EMC1: variants seen among roughly 807,000 people sequenced by gnomAD.
The protein encoded by EMC1 is ER membrane protein complex subunit 1.
Under a neutral mutation model 128.8 loss-of-function variants are expected in EMC1, and 103 were observed. That is an observed-to-expected ratio of 0.80 (90% CI 0.68 to 0.94). EMC1 has a LOEUF of 0.94. EMC1 is among the 40% of genes least tolerant of loss of function. The pLI is 0.00. For synonymous variants in EMC1, 442 were observed against 490.4 expected, an observed-to-expected ratio of 0.90 and a Z score of 1.30; for missense variants, 1,083 against 1,250.6, an observed-to-expected ratio of 0.87 and a Z score of 2.02.
At chr1:19,239,420 TGGAG>T in intron 8 of EMC1, 118 bp from the exon 9 acceptor site, 2 of 802,966 alleles carry the variant, frequency 2.5e-6, no homozygotes, top group Non-Finnish European at 4.1e-6. Flanking sequence ...CTCCCCACTT[TGGAG>T]CAGAATGGTC....
intron 8 of EMC1, chr1:19,239,583 T>C: frequency 1.7e-6 from 1 of 586,284 alleles, no homozygotes; most frequent in South Asian, 2.2e-5. Context: ...GTCCCCATAT[T>C]TCCTTTGGAC....
At chr1:19,220,032 C>A in intron 21 of EMC1, 1 of 276,140 alleles carries the variant, frequency 3.6e-6, no homozygotes, top group Non-Finnish European at 7.0e-6. Context: ...AATTCCTGCT[C>A]TCCACTCCAG....
chr1:19,231,314 C>G lies in EMC1; in HGVS notation c.1891G>C (p.Val631Leu), dbSNP rs2093519912. The G allele has an allele frequency of 6.2e-7, 1 of 1,611,078 alleles. No homozygotes were observed. Among genetic ancestry groups the G allele is most frequent in the Non-Finnish European group, 8.5e-7 (1 of 1,179,328 alleles). ...RPILQSLLLP[V>L]MDQDYAKVLL... is the part of the protein sequence containing the mutation. Reference sequence around the variant, plus strand: ...ACCTTGGCGTAGTCTTGATCCATGACTGGGAGAAGCAAGGACTGCAAGATG... The same window carrying G: ...ACCTTGGCGTAGTCTTGATCCATGAGTGGGAGAAGCAAGGACTGCAAGATG... Residue 631 changes from valine (V) to leucine (L), a missense_variant, in exon 16 of 23, where the codon GTC (valine) becomes CTC (leucine). Transcript: ENST00000477853.
chr1:19,223,645 C>A (rs2093449211), intron 18 of EMC1, 76 bp from the exon 19 acceptor site: 1 of 1,371,754 alleles, frequency 7.3e-7, no homozygotes, highest in Non-Finnish European at 1.0e-6. Flanking sequence ...GTGAGACCAA[C>A]CTGGAGCTCT....
Position 19,219,218 on chromosome 1 carries a change from C to A in EMC1, c.*85G>T. Reference sequence around the variant, plus strand: ...CTGAGCACTGACACACACACATACTCCACCAATCCACCAAACTGCAGCTGT... The same window carrying A: ...CTGAGCACTGACACACACACATACTACACCAATCCACCAAACTGCAGCTGT... On this transcript the variant is annotated 3_prime_UTR_variant, in exon 23 of 23. Coordinates refer to ENST00000477853, the MANE Select transcript of EMC1 (RefSeq NM_015047.3). The A allele has an allele frequency of 7.3e-7, 1 of 1,366,648 alleles. No homozygotes were observed. The highest frequency in any genetic ancestry group is 1.0e-6 in the Non-Finnish European group (1 of 968,384). 84.7% of individuals were successfully genotyped at this position (1,366,648 alleles called of 1,614,324 possible).
rs914780873 is a variant in EMC1 at position 19,217,684 on chromosome 1, G to C, written c.*1619C>G. ...GCTAACCTTGCACATATGTATGTAAGACAGTCAGAATTCCAGCCAGGCTTT... is the reference window on the plus strand; with the variant it reads ...GCTAACCTTGCACATATGTATGTAACACAGTCAGAATTCCAGCCAGGCTTT... On this transcript the variant is annotated 3_prime_UTR_variant, in exon 23 of 23. Transcript: ENST00000477853. 6.6e-6 allele frequency: 1 copy of C among 152,194 alleles called. No individual in the cohort carries two copies. The highest frequency in any genetic ancestry group is 2.4e-5 in the African/African-American group (1 of 41,438). 9.4% of individuals were successfully genotyped at this position (152,194 alleles called of 1,614,324 possible). A position where few individuals can be genotyped will look rare whatever the true frequency, so the allele number is the denominator to read the frequency against.
intron 1 of EMC1, among the ~76,000 whole-genome samples, chr1:19,247,734 G>A (rs1032015255): frequency 2.8e-4 from 42 of 152,276 alleles, no homozygotes; most frequent in African/African-American, 9.6e-4. Context: ...TGCTTCAAGA[G>A]GTATTCCAAG....
At chr1:19,251,226 G>A (rs902550406) in intron 1 of EMC1, among the ~76,000 whole-genome samples, 189 bp downstream of exon 1, 2 of 152,178 alleles carry the variant, frequency 1.3e-5, no homozygotes, top group African/African-American at 4.8e-5. Flanking sequence ...CTAACACTTG[G>A]TTTAAGGCTC....
Position 19,235,114 on chromosome 1 carries a change from CCT to C in EMC1, c.1432+14_1432+15del. The C allele has an allele frequency of 6.2e-7, 1 of 1,612,174 alleles. No homozygotes were observed. The highest frequency in any genetic ancestry group is 8.5e-7 in the Non-Finnish European group (1 of 1,179,032). On this transcript the variant is annotated intron_variant, in intron 13 of 22. Coordinates refer to ENST00000477853, the MANE Select transcript of EMC1 (RefSeq NM_015047.3). ...CCCTCCAGCAACTCTGCAGCTCCAA[CCT>C]CTTAGGTTCATACCTGCCTTTTTGC...
chr1:19,240,042 C>T lies in EMC1; in HGVS notation c.787-57G>A. ...AACAGCTGACGACTCCCTGACCCAT[C>T]CCAGGCTCACAACCTCTGCCCTACT... On this transcript the variant is annotated intron_variant, in intron 7 of 22. Transcript: ENST00000477853. 4 of 1,525,714 alleles carry T rather than the reference C, an allele frequency of 2.6e-6. No individual in the cohort carries two copies. The Admixed American group carries it at 7.8e-5, about 30-fold the overall frequency. 94.5% of individuals were successfully genotyped at this position (1,525,714 alleles called of 1,614,324 possible). A position where few individuals can be genotyped will look rare whatever the true frequency, so the allele number is the denominator to read the frequency against.
rs886927099 is a variant in EMC1 at position 19,223,939 on chromosome 1, A to G, written c.2203-370T>C. On this transcript the variant is annotated intron_variant, in intron 18 of 22. Coordinates refer to ENST00000477853, the MANE Select transcript of EMC1 (RefSeq NM_015047.3). ...TGACCTAGGGACAAATGCTGCAGTG[A>G]TATTTTTCTTCTGAGGGTCACCACC... is the stretch of plus-strand genomic sequence containing the variant. Among the ~76,000 whole-genome samples, 5 of 152,278 alleles carry G rather than the reference A, an allele frequency of 3.3e-5. 1 individual carries two copies. In the South Asian group the frequency reaches 1.0e-3, roughly 32 times the overall value.
chr1:19,219,677 A>G lies in EMC1; in HGVS notation c.2694T>C (p.Tyr898=). 6.2e-7 allele frequency: 1 copy of G among 1,614,148 alleles called. No homozygotes were observed. Among genetic ancestry groups the G allele is most frequent in the Non-Finnish European group, 8.5e-7 (1 of 1,180,030 alleles). Residue 898 remains tyrosine, a synonymous_variant, in exon 22 of 23, where the codon TAT becomes TAC. Coordinates refer to ENST00000477853, the MANE Select transcript of EMC1 (RefSeq NM_015047.3). The part of the protein sequence containing the change: ...EQSREENLIP[Y]SPDVQIHAER... ...CTGCGTGTATCTGTACATCTGGAGA[A>G]TACGGGATTAAGTTCTCCTCTCTGC...
At chr1:19,240,276 G>A in intron 7 of EMC1, 21 bp downstream of exon 7, 1 of 1,614,102 alleles carries the variant, frequency 6.2e-7, no homozygotes, top group Non-Finnish European at 8.5e-7. Context: ...CAGGCCAGAA[G>A]AAGCAGTGGC....
chr1:19,235,499 G>A (rs1429549150), intron 12 of EMC1, among the ~76,000 whole-genome samples: 4 of 152,112 alleles, frequency 2.6e-5, no homozygotes, highest in African/African-American at 7.2e-5. Flanking sequence ...TCAGGAGATC[G>A]AGACCATCCT....
Position 19,244,320 on chromosome 1 carries a change from T to G in EMC1, c.221-305A>C, listed in dbSNP as rs572578905. On this transcript the variant is annotated intron_variant, in intron 2 of 22. Transcript: ENST00000477853. ...ATAGTGATCATAAATTCTATTTCCC[T>G]TATTTTAGTGCCTAAAAACATCCGG... is the stretch of plus-strand genomic sequence containing the variant. 2.6e-5 allele frequency among the ~76,000 whole-genome samples: 4 copies of G among 152,332 alleles called. No homozygotes were observed. In the South Asian group the frequency reaches 8.3e-4, roughly 32 times the overall value.
At chr1:19,248,429 G>C (rs1473158873) in intron 1 of EMC1, among the ~76,000 whole-genome samples, 1 of 151,820 alleles carries the variant, frequency 6.6e-6, no homozygotes, top group East Asian at 1.9e-4. Flanking sequence ...GTTTTGTTTT[G>C]TTTTGTTTCT....
At chr1:19,233,317 T>C (rs2093538723) in intron 13 of EMC1, among the ~76,000 whole-genome samples, 182 bp from the exon 14 acceptor site, 1 of 152,202 alleles carries the variant, frequency 6.6e-6, no homozygotes, top group South Asian at 2.1e-4. Context: ...GTGAGGCTCA[T>C]GCAGGAGCTT....
rs1272667334 is a variant in EMC1 at position 19,241,069 on chromosome 1, T to C, written c.583A>G (p.Ser195Gly). ...VVWALGVVPF[S>G]HVNIVKFNVE... ...TTAAACTTGACAATGTTCACATGGC[T>C]GAAGGGAACAACTCCGAGGGCCCAC... The change falls in exon 6 of 23, where the codon AGC (serine) becomes GGC (glycine). Residue 195 changes from serine to glycine, a missense_variant. By Grantham distance (56) the Ser-to-Gly change is moderately conservative. This residue lies in a region of EMC1 where 544 missense variants were observed against 572.4 expected (regional missense o/e 0.95). Transcript: ENST00000477853. 6.2e-7 allele frequency: 1 copy of C among 1,614,006 alleles called. No individual in the cohort carries two copies. Among genetic ancestry groups the C allele is most frequent in the Non-Finnish European group, 8.5e-7 (1 of 1,180,020 alleles).
chr1:19,247,890 T>G (rs1398077245), intron 1 of EMC1, among the ~76,000 whole-genome samples: 1 of 152,046 alleles, frequency 6.6e-6, no homozygotes, highest in African/African-American at 2.4e-5. Context: ...CCAGGCATAG[T>G]GCTGTGCACC....
Sources: allele counts gnomAD v4.1 joint callset (sites outside exome capture counted in the v4.1 genomes callset), GRCh38; gene constraint gnomAD v4.1.1; regional missense constraint gnomAD v4.1.1; transcripts MANE v1.5; gene names NCBI Gene and HGNC (gene_info 2026-07-23, HGNC 2026-07-21).